Variants in PLA2G4C observed in about 807,000 individuals in gnomAD.
PLA2G4C encodes the protein phospholipase A2 group IVC, also known as cytosolic phospholipase A2 gamma.
PLA2G4C carries 64 observed loss-of-function variants against 73.8 expected under a neutral mutation model. The observed-to-expected ratio is 0.87, with a 90% CI of 0.71 to 1.07. PLA2G4C has a LOEUF of 1.07. Among genes scored for constraint, PLA2G4C ranks in the 50% least tolerant of loss-of-function variants. The pLI is 0.00. For missense variants in PLA2G4C, 622 were observed against 665.4 expected (o/e 0.93, Z 0.72); for synonymous variants, 254 against 252.1 (o/e 1.01, Z -0.07).
At chr19:48,067,654 G>A (rs1010836447) in intron 13 of PLA2G4C, 137 bp downstream of exon 13, 38 of 707,178 alleles carry the variant, frequency 5.4e-5, no homozygotes, top group Non-Finnish European at 7.8e-6. Flanking sequence ...TCAGATCCCT[G>A]GGCCCTTTGA....
At chr19:48,104,127 A>C (rs1287396546) in intron 4 of PLA2G4C, 3 of 154,358 alleles carry the variant, frequency 1.9e-5, no homozygotes, top group African/African-American at 7.3e-5. Flanking sequence ...TGGGTCTCAA[A>C]CTCCTAGACT....
Position 48,069,455 on chromosome 19 carries a change from C to T in PLA2G4C, c.1007-1569G>A, listed in dbSNP as rs140429263. Reference sequence around the variant, plus strand: ...GGATAAACCAGGTCATTATCCCAGACGCCTGCCTCTTCCTCACCCTCACCC... The same window carrying T: ...GGATAAACCAGGTCATTATCCCAGATGCCTGCCTCTTCCTCACCCTCACCC... On this transcript the variant is annotated intron_variant, in intron 12 of 16. Transcript: ENST00000599921. Among the ~76,000 whole-genome samples, 191 of 152,238 alleles carry T rather than the reference C, an allele frequency of 1.3e-3. 1 individual carries two copies. Among genetic ancestry groups the T allele is most frequent in the Middle Eastern group, 3.4e-3 (1 of 294 alleles).
intron 13 of PLA2G4C, among the ~76,000 whole-genome samples, chr19:48,066,958 G>GACACACACACACACACAC (rs200703260): frequency 1.0e-4 from 15 of 143,948 alleles, no homozygotes; most frequent in African/African-American, 3.6e-4. Context: ...AACAGAGCAA[G>GACACACACACACACACAC]ACACACACAC....
chr19:48,081,388 T>A (rs1029045504), intron 10 of PLA2G4C, among the ~76,000 whole-genome samples: 7 of 152,096 alleles, frequency 4.6e-5, no homozygotes, highest in Non-Finnish European at 1.0e-4. Flanking sequence ...AAGCTATGGG[T>A]ACGCAAAGGC....
Position 48,105,353 on chromosome 19 carries a change from G to C in PLA2G4C, c.100C>G (p.Leu34Val), listed in dbSNP as rs1309539083. 4 of 1,613,016 alleles carry C rather than the reference G, an allele frequency of 2.5e-6. No homozygotes were observed. In the East Asian group the frequency reaches 8.9e-5, roughly 36 times the overall value. ...RLHVLKALKK[L>V]RIEADEAPVV... ...CTTACCTCATCAGCCTCAATCCTTA[G>C]CTTCTTCAGAGCTTTCAGCACATGA... Residue 34 changes from leucine to valine, a missense_variant, in exon 3 of 17, where the codon CTA becomes GTA. Transcript: ENST00000599921.
intron 7 of PLA2G4C, among the ~76,000 whole-genome samples, chr19:48,093,854 C>T (rs2031436730): frequency 6.6e-6 from 1 of 152,166 alleles, no homozygotes; most frequent in Non-Finnish European, 1.5e-5. Context: ...CGAGTGAGTT[C>T]TCACGAGATC....
chr19:48,080,601 G>T (rs1429270213), intron 10 of PLA2G4C, among the ~76,000 whole-genome samples: 12 of 152,020 alleles, frequency 7.9e-5, no homozygotes, highest in African/African-American at 2.9e-4. Context: ...TCGAGGTCAG[G>T]CGTTCAAGAC....
chr19:48,064,353 C>T lies in PLA2G4C; in HGVS notation c.1103-2201G>A, dbSNP rs370943183. ...CTGAGGCAGGAGAATCGCTTGAACCCGGGAGGCGGAGGTTGCAGTAATCTG... is the reference window on the plus strand; with the variant it reads ...CTGAGGCAGGAGAATCGCTTGAACCTGGGAGGCGGAGGTTGCAGTAATCTG... On this transcript the variant is annotated intron_variant, in intron 13 of 16. Transcript: ENST00000599921. 9.9e-4 allele frequency among the ~76,000 whole-genome samples: 148 copies of T among 149,856 alleles called. 1 individual carries two copies. In the South Asian group the frequency reaches 0.029, roughly 30 times the overall value.
chr19:48,082,396 A>G (rs1355537524), intron 10 of PLA2G4C, among the ~76,000 whole-genome samples: 1 of 151,904 alleles, frequency 6.6e-6, no homozygotes, highest in African/African-American at 2.4e-5. Flanking sequence ...AAGTCCTGAT[A>G]CACGTCGGTT....
At chr19:48,077,088 C>T (rs192696315) in intron 11 of PLA2G4C, among the ~76,000 whole-genome samples, 3 of 152,294 alleles carry the variant, frequency 2.0e-5, no homozygotes, top group Admixed American at 2.0e-4. Flanking sequence ...TATTTTTCCT[C>T]TCAATTTGCT....
chr19:48,055,265 G>A (rs1967894559), intron 14 of PLA2G4C, among the ~76,000 whole-genome samples: 1 of 151,728 alleles, frequency 6.6e-6, no homozygotes, highest in South Asian at 2.1e-4. Flanking sequence ...CAACATTCGC[G>A]AGGTTAGAGA....
chr19:48,098,400 A>T (rs907051789), intron 5 of PLA2G4C, 141 bp from the exon 6 acceptor site: 3 of 691,314 alleles, frequency 4.3e-6, no homozygotes, highest in Non-Finnish European at 6.7e-6. Context: ...ATAATGGGCC[A>T]CTACAGCCTC....
chr19:48,110,601 G>C lies in PLA2G4C; in HGVS notation c.-147C>G. The C allele has an allele frequency of 6.3e-6, 3 of 474,812 alleles. No individual in the cohort carries two copies. Among genetic ancestry groups the C allele is most frequent in the Non-Finnish European group, 8.4e-6 (3 of 356,096 alleles). The allele number at this position is 474,812 out of a possible 1,614,324, so 29.4% of individuals were successfully genotyped here. Reference sequence around the variant, plus strand: ...GTGTAGTCGCTGGACAGCTCCTTCAGCCGGAATCTCCGCGGGTGAAGACTG... The same window carrying C: ...GTGTAGTCGCTGGACAGCTCCTTCACCCGGAATCTCCGCGGGTGAAGACTG... On this transcript the variant is annotated 5_prime_UTR_variant, in exon 1 of 17. Transcript: ENST00000599921.
intron 14 of PLA2G4C, among the ~76,000 whole-genome samples, chr19:48,058,674 C>T (rs1015420950): frequency 5.3e-5 from 8 of 150,932 alleles, no homozygotes; most frequent in South Asian, 2.1e-4. Flanking sequence ...AGAAATTAGC[C>T]GGGCATGGTG....
chr19:48,082,496 CTT>C (rs66641645), intron 10 of PLA2G4C, among the ~76,000 whole-genome samples: 22,830 of 104,400 alleles, frequency 0.22, 799 homozygotes, highest in East Asian at 0.4. Context: ...TTCTTTCTTT[CTT>C]TTTTTTTTTT....
Position 48,065,511 on chromosome 19 carries a change from G to A in PLA2G4C, c.1102+2280C>T, listed in dbSNP as rs182486757. ...TGTGCCTGTAATCCCAGCTACTCAG[G>A]AGGCTGAGGTGGTGGTTGCAGTGAG... On this transcript the variant is annotated intron_variant, in intron 13 of 16. Transcript: ENST00000599921. Among the ~76,000 whole-genome samples, 599 of 152,024 alleles carry A rather than the reference G, an allele frequency of 3.9e-3. 2 individuals are homozygous for A. Among genetic ancestry groups the A allele is most frequent in the Admixed American group, 6.1e-3 (93 of 15,236 alleles).
rs138551286 is a variant in PLA2G4C at position 48,061,697 on chromosome 19, C to G, written c.1257+301G>C. 5.4e-4 allele frequency: 199 copies of G among 370,170 alleles called. 1 individual carries two copies. The highest frequency in any genetic ancestry group is 3.8e-3 in the African/African-American group (175 of 46,284). The allele number at this position is 370,170 out of a possible 1,614,324, so 22.9% of individuals were successfully genotyped here. A position where few individuals can be genotyped will look rare whatever the true frequency, so the allele number is the denominator to read the frequency against. On this transcript the variant is annotated intron_variant, in intron 14 of 16. Coordinates refer to ENST00000599921, the MANE Select transcript of PLA2G4C (RefSeq NM_003706.3). Reference sequence around the variant, plus strand: ...GGGAAGGAGGTGCACAGGTGAGGAGCTAGGCTGTTGCAGTTCAAACTGGTA... The same window carrying G: ...GGGAAGGAGGTGCACAGGTGAGGAGGTAGGCTGTTGCAGTTCAAACTGGTA...
At chr19:48,063,194 C>T (rs1304552514) in intron 13 of PLA2G4C, among the ~76,000 whole-genome samples, 1 of 152,128 alleles carries the variant, frequency 6.6e-6, no homozygotes, top group Non-Finnish European at 1.5e-5. Flanking sequence ...CAGGCACCCG[C>T]CACCATGCTG....
chr19:48,080,932 G>A (rs2030513443), intron 10 of PLA2G4C, among the ~76,000 whole-genome samples: 1 of 150,998 alleles, frequency 6.6e-6, no homozygotes, highest in African/African-American at 2.4e-5. Context: ...GCTGAGGCGG[G>A]TGGATCATGA....
Sources: allele counts gnomAD v4.1 joint callset (sites outside exome capture counted in the v4.1 genomes callset), GRCh38; gene constraint gnomAD v4.1.1; transcripts MANE v1.5; gene names NCBI Gene and HGNC (gene_info 2026-07-23, HGNC 2026-07-21).